CCNY: variants seen among roughly 807,000 people sequenced by gnomAD.
CCNY encodes the protein cyclin Y.
CCNY carries 19 observed loss-of-function variants against 42.8 expected under a neutral mutation model. The ratio of observed to expected loss-of-function variants is 0.44; its 90% CI spans 0.31 to 0.65. The LOEUF is 0.65. Ranked by LOEUF, CCNY falls within the 30% of genes least tolerant of loss-of-function variation. The pLI, the probability that CCNY is intolerant of heterozygous loss-of-function variation, is 0.07. For missense variants in CCNY, 370 were observed against 437.3 expected (o/e 0.85, Z 1.37); for synonymous variants, 165 against 162.7 (o/e 1.01, Z -0.11).
At chr10:35,285,471 C>T (rs941267709) in intron 3 of CCNY, among the ~76,000 whole-genome samples, 1 of 152,214 alleles carries the variant, frequency 6.6e-6, no homozygotes, top group Non-Finnish European at 1.5e-5. Context: ...GTCACCCAGA[C>T]TGGAGTGTGG....
intron 3 of CCNY, among the ~76,000 whole-genome samples, chr10:35,281,817 G>A (rs1443552852): frequency 1.3e-5 from 2 of 152,094 alleles, no homozygotes; most frequent in Non-Finnish European, 2.9e-5. Flanking sequence ...GTTCTAAAAT[G>A]GATGGTGTTG....
intron 3 of CCNY, among the ~76,000 whole-genome samples, chr10:35,278,484 G>A (rs1237792345): frequency 6.6e-6 from 1 of 152,120 alleles, no homozygotes; most frequent in Non-Finnish European, 1.5e-5. Flanking sequence ...TCCCATCTTA[G>A]AGTCTGCTTC....
chr10:35,338,397 G>C (rs937101036), intron 1 of CCNY, among the ~76,000 whole-genome samples: 3 of 152,212 alleles, frequency 2.0e-5, no homozygotes, highest in Non-Finnish European at 4.4e-5. Flanking sequence ...CTGGTTTCTA[G>C]TACGCGCTTA....
chr10:35,369,598 ATTTAAG>A (rs1564385352), intron 1 of CCNY, among the ~76,000 whole-genome samples: 3 of 152,162 alleles, frequency 2.0e-5, no homozygotes, highest in Non-Finnish European at 4.4e-5. Context: ...GCTCTTCCCT[ATTTAAG>A]TTTATCTTGC....
intron 1 of CCNY, among the ~76,000 whole-genome samples, chr10:35,419,154 A>G (rs1838100464): frequency 6.6e-6 from 1 of 152,178 alleles, no homozygotes; most frequent in African/African-American, 2.4e-5. Flanking sequence ...TTATGAATTA[A>G]TGCATGTGAA....
intron 1 of CCNY, among the ~76,000 whole-genome samples, chr10:35,424,505 C>T (rs952918562): frequency 6.6e-6 from 1 of 152,190 alleles, no homozygotes; most frequent in South Asian, 2.1e-4. Context: ...GGATTACAGG[C>T]GTGAGCCACC....
intron 2 of CCNY, among the ~76,000 whole-genome samples, chr10:35,484,500 T>C (rs1389394900): frequency 6.6e-6 from 1 of 152,148 alleles, no homozygotes; most frequent in African/African-American, 2.4e-5. Flanking sequence ...GCATCTAGTA[T>C]TTAGGTTGGT....
chr10:35,500,004 T>C (rs1471012923), intron 2 of CCNY, among the ~76,000 whole-genome samples: 2 of 152,220 alleles, frequency 1.3e-5, no homozygotes, highest in African/African-American at 4.8e-5. Context: ...ATCCTGTTTG[T>C]TTTGCTATGG....
chr10:35,378,817 A>G (rs1837112368), intron 1 of CCNY, among the ~76,000 whole-genome samples: 1 of 152,126 alleles, frequency 6.6e-6, no homozygotes, highest in South Asian at 2.1e-4. Flanking sequence ...ATGGCAGTGG[A>G]ATTGTCTAGA....
At chr10:35,319,830 A>G (rs770846856) in intron 3 of CCNY, among the ~76,000 whole-genome samples, 5 of 152,062 alleles carry the variant, frequency 3.3e-5, no homozygotes, top group Non-Finnish European at 7.4e-5. Flanking sequence ...GGCGCCTGTG[A>G]TCCCAGCTAC....
intron 1 of CCNY, among the ~76,000 whole-genome samples, chr10:35,424,558 C>T (rs976565948): frequency 6.6e-6 from 1 of 152,222 alleles, no homozygotes; most frequent in Non-Finnish European, 1.5e-5. Context: ...AAACACCCCC[C>T]TGCATTTCTG....
chr10:35,261,404 A>G (rs2095719509), intron 3 of CCNY, among the ~76,000 whole-genome samples: 1 of 150,704 alleles, frequency 6.6e-6, no homozygotes, highest in African/African-American at 2.4e-5. Flanking sequence ...CTCTTGGCTA[A>G]TTTTTGTATT....
At chr10:35,359,711 C>T (rs1474302976) in intron 1 of CCNY, among the ~76,000 whole-genome samples, 2 of 152,178 alleles carry the variant, frequency 1.3e-5, no homozygotes, top group Non-Finnish European at 2.9e-5. Flanking sequence ...TTACCACCAT[C>T]CATCTCCAGA....
At chr10:35,370,372 T>C (rs921240966) in intron 1 of CCNY, among the ~76,000 whole-genome samples, 2 of 151,932 alleles carry the variant, frequency 1.3e-5, no homozygotes, top group East Asian at 3.9e-4. Flanking sequence ...AGGATGGTCT[T>C]GATCTCCTGA....
At chr10:35,520,052 A>G (rs990773924) in intron 4 of CCNY, among the ~76,000 whole-genome samples, 16 of 152,186 alleles carry the variant, frequency 1.1e-4, no homozygotes, top group Admixed American at 4.6e-4. Context: ...GGCGTCAGCC[A>G]CAGTGCCCAG....
chr10:35,343,302 T>C (rs555567183), intron 1 of CCNY, among the ~76,000 whole-genome samples: 2 of 152,062 alleles, frequency 1.3e-5, no homozygotes, highest in East Asian at 3.9e-4. Context: ...TGCCTGCTTT[T>C]TGAGAGTAAT....
chr10:35,477,893 T>G (rs1456248675), intron 1 of CCNY, among the ~76,000 whole-genome samples: 1 of 147,918 alleles, frequency 6.8e-6, no homozygotes, highest in Non-Finnish European at 1.5e-5. Context: ...AAAACCCCAT[T>G]GTCTCAGCCC....
At chr10:35,519,786 T>C (rs1226444057) in intron 4 of CCNY, among the ~76,000 whole-genome samples, 5 of 134,936 alleles carry the variant, frequency 3.7e-5, no homozygotes, top group Non-Finnish European at 8.0e-5. Flanking sequence ...CTTTTTTTTT[T>C]TTTTTTTTTT....
chr10:35,366,700 A>G (rs1455619712), intron 1 of CCNY, among the ~76,000 whole-genome samples: 1 of 152,188 alleles, frequency 6.6e-6, no homozygotes, highest in African/African-American at 2.4e-5. Flanking sequence ...TTTTTGTTCT[A>G]CAGCAGCACT....
Sources: gnomAD v4.1 joint callset for allele counts (sites outside exome capture counted in the v4.1 genomes callset) on GRCh38, gnomAD v4.1.1 for gene constraint, MANE v1.5 for transcripts, NCBI Gene and HGNC (gene_info 2026-07-23, HGNC 2026-07-21) for gene names.